HERC4: variants seen among roughly 807,000 people sequenced by gnomAD.
HERC4 encodes HECT and RLD domain containing E3 ubiquitin protein ligase 4, also known as probable E3 ubiquitin-protein ligase HERC4.
Under a neutral mutation model 124.3 loss-of-function variants are expected in HERC4, and 28 were observed. The observed-to-expected ratio is 0.23, with a 90% confidence interval of 0.17 to 0.31. The LOEUF (loss-of-function observed/expected upper bound fraction) is 0.31, where lower values mean the gene tolerates loss of function less well. HERC4 is among the 10% of genes least tolerant of loss of function. The probability of loss-of-function intolerance (pLI) is 1.00; values close to 1 mark genes in which losing one functional copy is unlikely to be tolerated. For synonymous variants in HERC4, 407 were observed against 421.5 expected (o/e 0.97, Z 0.42); for missense variants, 713 against 1,229.3 (o/e 0.58, Z 6.28).
At chr10:68,001,698 A>G (rs892049816) in intron 9 of HERC4, among the ~76,000 whole-genome samples, 1 of 152,144 alleles carries the variant, frequency 6.6e-6, no homozygotes, top group African/African-American at 2.4e-5. Flanking sequence ...TAAAACAGAA[A>G]CCCATTAAAT....
At chr10:67,955,330 CTAATGTA>C (rs1292498818) in intron 17 of HERC4, 200 bp from the exon 18 acceptor site, 3 of 495,964 alleles carry the variant, frequency 6.0e-6, no homozygotes, top group South Asian at 2.7e-5. Flanking sequence ...TGTTTTTATA[CTAATGTA>C]TAATGTATAA....
rs1564518126 is a variant in HERC4, at chr10:67,990,935, A to G, written c.1412T>C (p.Ile471Thr). The part of the protein sequence containing the change: ...NAARLLFHKL[I>T]QPDHPQISQQ... ...AGATATCTGCGGATGATCAGGTTGT[A>G]TAAGTTTGTGGAATAAAAGCCTAGC... The change falls in exon 13 of 25, where the codon ATA becomes ACA. Residue 471 changes from isoleucine (I) to threonine (T), a missense_variant. Physicochemically the swap from Ile to Thr is moderately conservative, Grantham distance 89. Transcript: ENST00000373700. 2 of 1,608,408 alleles carry G rather than the reference A, an allele frequency of 1.2e-6. No homozygotes were observed. The highest frequency in any genetic ancestry group is 8.5e-7 in the Non-Finnish European group (1 of 1,176,072).
intron 4 of HERC4, 84 bp downstream of exon 4, chr10:68,044,320 G>C: frequency 7.5e-7 from 1 of 1,331,592 alleles, no homozygotes; most frequent in Non-Finnish European, 1.0e-6. Flanking sequence ...AACTCTTACA[G>C]GCCCAAAGAT....
At chr10:67,990,062 C>A in intron 14 of HERC4, 149 bp downstream of exon 14, 2 of 581,544 alleles carry the variant, frequency 3.4e-6, no homozygotes, top group South Asian at 2.5e-5. Context: ...AAAGACTAGA[C>A]AAAAGCAAGA....
intron 3 of HERC4, among the ~76,000 whole-genome samples, chr10:68,065,542 G>A (rs903000829): frequency 2.6e-5 from 4 of 152,028 alleles, no homozygotes; most frequent in Non-Finnish European, 4.4e-5. Context: ...ATAAGCCACC[G>A]AAATGCAAGA....
At chr10:67,926,020 C>T (rs1344425608) in intron 23 of HERC4, among the ~76,000 whole-genome samples, 1 of 152,168 alleles carries the variant, frequency 6.6e-6, no homozygotes, top group African/African-American at 2.4e-5. Flanking sequence ...AACTATGAAA[C>T]AAGAGTTTCA....
chr10:67,961,255 T>C (rs76818127), intron 16 of HERC4: 4,554 of 159,822 alleles, frequency 0.028, 237 homozygotes, highest in African/African-American at 0.1. Flanking sequence ...ATTCTGCAGA[T>C]CAGAAAGGTT....
intron 23 of HERC4, among the ~76,000 whole-genome samples, chr10:67,926,305 G>C (rs1300730365): frequency 6.6e-6 from 1 of 151,982 alleles, no homozygotes; most frequent in Middle Eastern, 3.2e-3. Context: ...GCTAAGGCAG[G>C]AGAATCGCTT....
intron 19 of HERC4, among the ~76,000 whole-genome samples, chr10:67,953,540 C>A (rs10762183): frequency 0.54 from 81,336 of 151,928 alleles, 23,443 homozygotes; most frequent in Non-Finnish European, 0.66. Context: ...TGGGCACCAA[C>A]CTTAAGAGCT....
intron 4 of HERC4, 155 bp from the exon 5 acceptor site, chr10:68,038,324 G>A: frequency 2.4e-6 from 1 of 417,220 alleles, no homozygotes. Context: ...AAAAATTTAT[G>A]CTAAAATCAG....
chr10:68,063,951 A>T (rs1269431580), intron 3 of HERC4, among the ~76,000 whole-genome samples: 12 of 151,852 alleles, frequency 7.9e-5, no homozygotes, highest in Admixed American at 2.0e-4. Flanking sequence ...AATAATAATT[A>T]AGAAACAGAG....
intron 21 of HERC4, 101 bp from the exon 22 acceptor site, chr10:67,936,336 CT>C (rs2032359506): frequency 3.4e-6 from 2 of 590,006 alleles, no homozygotes; most frequent in Non-Finnish European, 5.4e-6. Context: ...AAAAAAACTA[CT>C]AAATTTGAGA....
chr10:67,974,018 G>C (rs1301423709), intron 15 of HERC4, among the ~76,000 whole-genome samples: 1 of 139,654 alleles, frequency 7.2e-6, no homozygotes, highest in Non-Finnish European at 1.5e-5. Context: ...CTGCACTCTA[G>C]CCTGGCAACA....
intron 19 of HERC4, among the ~76,000 whole-genome samples, chr10:67,943,497 C>T (rs2033084672): frequency 1.3e-5 from 2 of 152,318 alleles, no homozygotes; most frequent in South Asian, 2.1e-4. Context: ...TACCAATACC[C>T]GCAATATCAG....
At position 67,925,133 on chromosome 10, in the gene HERC4, A is replaced by G; in HGVS notation, c.2893T>C (p.Trp965Arg). Residue 965 changes from tryptophan (W) to arginine (R), a missense_variant, in exon 24 of 25, where the codon TGG becomes CGG. Trp to Arg is a moderately radical substitution (Grantham distance 101). Transcript: ENST00000373700. ...WAEHPTIKIFWEVFHELPLEK... is the reference protein window; with the variant it reads ...WAEHPTIKIFREVFHELPLEK... ...AATGGTAATTCGTGAAATACTTCCCAAAAAATTTTTATCGTAGGATGTTCT... is the reference window on the plus strand; with the variant it reads ...AATGGTAATTCGTGAAATACTTCCCGAAAAATTTTTATCGTAGGATGTTCT... 6.2e-7 allele frequency: 1 copy of G among 1,605,586 alleles called. No individual in the cohort carries two copies. Among genetic ancestry groups the G allele is most frequent in the Non-Finnish European group, 8.5e-7 (1 of 1,172,576 alleles).
intron 15 of HERC4, among the ~76,000 whole-genome samples, chr10:67,984,807 C>T (rs1352133623): frequency 6.6e-6 from 1 of 152,126 alleles, no homozygotes; most frequent in African/African-American, 2.4e-5. Flanking sequence ...TGGTCTTGAA[C>T]TCCTGACCTC....
chr10:67,959,864 GCA>G (rs987961092), intron 16 of HERC4, among the ~76,000 whole-genome samples: 1 of 152,186 alleles, frequency 6.6e-6, no homozygotes, highest in Non-Finnish European at 1.5e-5. Context: ...TATGCTCAGA[GCA>G]CAGACTCGTG....
At position 68,045,733 on chromosome 10, in the gene HERC4, C is replaced by T. The variant is rs553395676; in HGVS notation, c.227-1170G>A. On this transcript the variant is annotated intron_variant, in intron 3 of 24. Coordinates refer to ENST00000373700, the MANE Select transcript of HERC4 (RefSeq NM_015601.4). The stretch of plus-strand genomic sequence containing the variant: ...ACTTTCTTTCAGCTTAATAAGAAAG[C>T]TATAATCATTGTCTTCAACAAACTA... Among the ~76,000 whole-genome samples, 22 of 152,234 alleles carry T rather than the reference C, an allele frequency of 1.4e-4. No individual in the cohort carries two copies. In the South Asian group the frequency reaches 4.6e-3, roughly 32 times the overall value.
intron 15 of HERC4, among the ~76,000 whole-genome samples, chr10:67,968,064 C>T (rs1419628255): frequency 6.6e-6 from 1 of 152,062 alleles, no homozygotes; most frequent in East Asian, 1.9e-4. Flanking sequence ...TACTTAAAAA[C>T]ACTGGAGATC....
Sources: gnomAD v4.1 joint callset for allele counts (sites outside exome capture counted in the v4.1 genomes callset) on GRCh38, gnomAD v4.1.1 for gene constraint, MANE v1.5 for transcripts, NCBI Gene and HGNC (gene_info 2026-07-23, HGNC 2026-07-21) for gene names.